IL17RD: variants seen among roughly 807,000 people sequenced by gnomAD.
The protein encoded by IL17RD is interleukin 17 receptor D, also known as interleukin-17 receptor D.
A neutral mutation model predicts 80.5 loss-of-function variants in IL17RD; 52 were observed. The observed-to-expected ratio is 0.65, with a 90% CI of 0.52 to 0.81. The LOEUF (loss-of-function observed/expected upper bound fraction) is 0.81, where lower values mean the gene tolerates loss of function less well. Ranked by LOEUF, IL17RD falls within the 40% of genes least tolerant of loss-of-function variation. IL17RD has a pLI of 0.00. For missense variants in IL17RD, 1,024 were observed against 955.1 expected (o/e 1.07, Z -0.95); for synonymous variants, 416 against 391.8 (o/e 1.06, Z -0.73).
intron 1 of IL17RD, chr3:57,134,583 G>T: frequency 8.0e-7 from 1 of 1,251,898 alleles, no homozygotes. Flanking sequence ...GGCAGACAAG[G>T]CCCACAAGAA....
intron 2 of IL17RD, among the ~76,000 whole-genome samples, chr3:57,118,296 C>T (rs1231682511): frequency 1.3e-5 from 2 of 152,228 alleles, no homozygotes; most frequent in Non-Finnish European, 2.9e-5. Context: ...ACGTGTAAGT[C>T]CTCACTGGTT....
Position 57,101,163 on chromosome 3 carries a change from A to T in IL17RD, c.1164+16T>A. On this transcript the variant is annotated intron_variant, in intron 11 of 12. Coordinates refer to ENST00000296318, the MANE Select transcript of IL17RD (RefSeq NM_017563.5). Reference sequence around the variant, plus strand: ...TGTCCTGGCCAGGGTAGGAGAAGGAACTTTAGATTCCGCACCTCACAGCCA... The same window carrying T: ...TGTCCTGGCCAGGGTAGGAGAAGGATCTTTAGATTCCGCACCTCACAGCCA... 1 of 1,610,006 alleles carries T rather than the reference A, an allele frequency of 6.2e-7. No homozygotes were observed. Among genetic ancestry groups the T allele is most frequent in the Non-Finnish European group, 8.5e-7 (1 of 1,177,046 alleles).
intron 1 of IL17RD, among the ~76,000 whole-genome samples, chr3:57,158,651 T>C (rs1181336635): frequency 6.6e-6 from 1 of 152,224 alleles, no homozygotes; most frequent in South Asian, 2.1e-4. Context: ...ATTTTTATCA[T>C]GGATACTTTG....
At chr3:57,134,165 C>T (rs1372695193) in intron 1 of IL17RD, 7 of 655,828 alleles carry the variant, frequency 1.1e-5, no homozygotes, top group South Asian at 2.9e-5. Context: ...AGATGAGGCT[C>T]GCCTTTAGTG....
Position 57,102,551 on chromosome 3 carries a change from T to C in IL17RD, c.907A>G (p.Ile303Val), listed in dbSNP as rs1259765269. 1.9e-6 allele frequency: 3 copies of C among 1,585,402 alleles called. No homozygotes were observed. Among genetic ancestry groups the C allele is most frequent in the Non-Finnish European group, 2.6e-6 (3 of 1,157,960 alleles). Reference protein sequence around the residue: ...PWAGPIRAVAITVPLVVISAF... With the variant: ...PWAGPIRAVAVTVPLVVISAF... ...GATATGACTACCAGTGGCACTGTGA[T>C]GGCCACGGCTCTGATGGGCCCGGCC... The change falls in exon 10 of 13, where the codon ATC (isoleucine) becomes GTC (valine). Residue 303 changes from isoleucine (I) to valine (V), a missense_variant. Ile to Val is a conservative substitution (Grantham distance 29). Coordinates refer to ENST00000296318, the MANE Select transcript of IL17RD (RefSeq NM_017563.5).
At chr3:57,124,220 A>G (rs1817691) in intron 1 of IL17RD, among the ~76,000 whole-genome samples, 65,477 of 151,968 alleles carry the variant, frequency 0.43, 14,751 homozygotes, top group South Asian at 0.56. Flanking sequence ...AGGCTAGCCC[A>G]TGGTGCACTT....
At chr3:57,147,567 A>G (rs1470920543) in intron 1 of IL17RD, among the ~76,000 whole-genome samples, 1 of 152,228 alleles carries the variant, frequency 6.6e-6, no homozygotes, top group African/African-American at 2.4e-5. Context: ...ACGGCAAGGG[A>G]GATGGGCAGG....
upstream of IL17RD, chr3:57,169,175 G>C (rs1413715585): frequency 2.0e-6 from 1 of 498,962 alleles, no homozygotes; most frequent in Non-Finnish European, 4.0e-6. Flanking sequence ...CTCAGCTGTG[G>C]AGGTGACCAG....
intron 1 of IL17RD, among the ~76,000 whole-genome samples, chr3:57,131,350 A>G (rs1707605184): frequency 6.6e-6 from 1 of 152,212 alleles, no homozygotes; most frequent in Admixed American, 6.5e-5. Flanking sequence ...CCCACTGGTT[A>G]CAAAATACCA....
chr3:57,096,171 A>G lies in IL17RD; in HGVS notation c.*222T>C. 1 of 539,770 alleles carries G rather than the reference A, an allele frequency of 1.9e-6. No individual in the cohort carries two copies. Among genetic ancestry groups the G allele is most frequent in the Non-Finnish European group, 3.4e-6 (1 of 297,724 alleles). 33.4% of individuals were successfully genotyped at this position (539,770 alleles called of 1,614,324 possible). ...GGCAAGCTGTTGTCAGACCTTATGGACATGCCTTTCAGAGCTCCATATCAT... is the reference window on the plus strand; with the variant it reads ...GGCAAGCTGTTGTCAGACCTTATGGGCATGCCTTTCAGAGCTCCATATCAT... On this transcript the variant is annotated 3_prime_UTR_variant, in exon 13 of 13. Coordinates refer to ENST00000296318, the MANE Select transcript of IL17RD (RefSeq NM_017563.5).
At chr3:57,131,964 T>C (rs1428287568) in intron 1 of IL17RD, among the ~76,000 whole-genome samples, 2 of 152,160 alleles carry the variant, frequency 1.3e-5, no homozygotes, top group African/African-American at 2.4e-5. Context: ...GGCCAGCGGA[T>C]TGCTTGAGCT....
chr3:57,108,924 A>G (rs1707028284), intron 5 of IL17RD, among the ~76,000 whole-genome samples: 1 of 152,148 alleles, frequency 6.6e-6, no homozygotes, highest in South Asian at 2.1e-4. Flanking sequence ...AGCCGAGAGC[A>G]TAGGCATGTG....
At chr3:57,117,302 C>CCTT in intron 2 of IL17RD, among the ~76,000 whole-genome samples, 2 of 152,040 alleles carry the variant, frequency 1.3e-5, no homozygotes, top group African/African-American at 4.8e-5. Flanking sequence ...TTAGTAGAGA[C>CCTT]AGAGTTTCAC....
At chr3:57,165,445 G>C (rs141971757), upstream of IL17RD, 6 of 431,704 alleles carry the variant, frequency 1.4e-5, no homozygotes, top group Admixed American at 7.6e-5. Context: ...CTCAGTCCTC[G>C]TGTGCTGGCC....
chr3:57,100,635 T>C (rs1706805308), intron 11 of IL17RD, among the ~76,000 whole-genome samples: 1 of 152,196 alleles, frequency 6.6e-6, no homozygotes. Context: ...CTGTCTATGA[T>C]TCCACCAGTC....
Position 57,105,552 on chromosome 3 carries a change from A to AAAATATATATATATATAT in IL17RD, c.747+304_747+305insATATATATATATATATTT. Among the ~76,000 whole-genome samples the AAAATATATATATATATAT allele has an allele frequency of 6.3e-3, 396 of 63,282 alleles. 5 individuals carry two copies. Among genetic ancestry groups the AAAATATATATATATATAT allele is most frequent in the Middle Eastern group, 0.012 (1 of 82 alleles). 41.5% of individuals were successfully genotyped at this position (63,282 alleles called of 152,430 possible). A position where few individuals can be genotyped will look rare whatever the true frequency, so the allele number is the denominator to read the frequency against. On this transcript the variant is annotated intron_variant, in intron 7 of 12. Transcript: ENST00000296318. ...ACTCCATCTCAAAAAAAAAAAAAAA[A>AAAATATATATATATATAT]ATATATATATATATATATTTGTTCA...
At chr3:57,104,205 G>A in intron 8 of IL17RD, 137 bp downstream of exon 8, 2 of 612,484 alleles carry the variant, frequency 3.3e-6, no homozygotes, top group African/African-American at 1.9e-5. Flanking sequence ...TTTTTTAAAA[G>A]CATGTTAAGA....
intron 5 of IL17RD, 37 bp from the exon 6 acceptor site, chr3:57,106,191 G>C: frequency 6.6e-7 from 1 of 1,526,266 alleles, no homozygotes. Context: ...TTTAGTTTTA[G>C]GACAGTTAGA....
intron 12 of IL17RD, among the ~76,000 whole-genome samples, chr3:57,097,243 T>C (rs1021497008): frequency 2.0e-5 from 3 of 151,890 alleles, no homozygotes; most frequent in Non-Finnish European, 4.4e-5. Flanking sequence ...ACATTACAGG[T>C]CTAAAAAAGA....
Sources: allele counts gnomAD v4.1 joint callset (sites outside exome capture counted in the v4.1 genomes callset), GRCh38; gene constraint gnomAD v4.1.1; transcripts MANE v1.5; gene names NCBI Gene and HGNC (gene_info 2026-07-23, HGNC 2026-07-21).